The following DLG5 variants were observed in gnomAD, a reference collection of about 807,000 sequenced individuals.
DLG5 encodes the protein disks large homolog 5.
In DLG5, 48 loss-of-function variants were observed where a neutral mutation model predicts 189.8. The observed-to-expected ratio is 0.25, with a 90% CI of 0.20 to 0.32. The LOEUF (loss-of-function observed/expected upper bound fraction) is 0.32, where lower values mean the gene tolerates loss of function less well. Ranked by LOEUF, DLG5 falls within the 10% of genes least tolerant of loss-of-function variation. DLG5 has a pLI of 1.00. For synonymous variants in DLG5, 1,016 were observed against 1,054.1 expected, an observed-to-expected ratio of 0.96 and a Z score of 0.70; for missense variants, 2,160 against 2,544.7, an observed-to-expected ratio of 0.85 and a Z score of 3.25.
intron 2 of DLG5, 113 bp downstream of exon 2, chr10:77,869,016 T>C: frequency 3.6e-6 from 3 of 828,086 alleles, no homozygotes; most frequent in East Asian, 2.6e-5. Flanking sequence ...AGGATGATCC[T>C]GTGAGTAATC....
rs58805712 is a variant in DLG5, at chr10:77,828,862, GCTCCAGC to G, written c.2289+13_2289+19del. Reference sequence around the variant, plus strand: ...TGCCTATGCACGGCAGATGACCCTGGCTCCAGCCTTGAGACTTACCGCAACGATCCTG... The same window carrying G: ...TGCCTATGCACGGCAGATGACCCTGGCTTGAGACTTACCGCAACGATCCTG... On this transcript the variant is annotated intron_variant, in intron 13 of 31. Coordinates refer to ENST00000372391, the MANE Select transcript of DLG5 (RefSeq NM_004747.4). 459,886 of 1,612,656 alleles carry G rather than the reference GCTCCAGC, an allele frequency of 0.29. 67,576 individuals are homozygous for G. Among genetic ancestry groups the G allele is most frequent in the Admixed American group, 0.44 (26,413 of 59,918 alleles).
At chr10:77,911,122 G>C (rs1443591104) in intron 1 of DLG5, among the ~76,000 whole-genome samples, 7 of 151,892 alleles carry the variant, frequency 4.6e-5, no homozygotes, top group African/African-American at 1.7e-4. Flanking sequence ...AAGAATTAAA[G>C]TGTTTTATTG....
chr10:77,840,646 G>A (rs1843371914), intron 7 of DLG5, among the ~76,000 whole-genome samples: 1 of 152,204 alleles, frequency 6.6e-6, no homozygotes, highest in African/African-American at 2.4e-5. Flanking sequence ...TTGAACCCAG[G>A]AGGTAGAGGT....
intron 5 of DLG5, chr10:77,845,061 C>T (rs1354893392): frequency 1.3e-5 from 2 of 152,224 alleles, no homozygotes; most frequent in Admixed American, 1.3e-4. Context: ...CTGAGTGAGA[C>T]AGGAAGCTGT....
At chr10:77,820,981 CA>C (rs1281769017) in intron 15 of DLG5, 100 bp downstream of exon 15, 2 of 1,450,968 alleles carry the variant, frequency 1.4e-6, no homozygotes, top group Non-Finnish European at 1.8e-6. Context: ...CCAGGCTAAA[CA>C]GGGGCCTGGG....
At chr10:77,857,893 C>A (rs1310436637) in intron 2 of DLG5, among the ~76,000 whole-genome samples, 3 of 152,202 alleles carry the variant, frequency 2.0e-5, no homozygotes, top group Non-Finnish European at 4.4e-5. Flanking sequence ...CTGTTCCGCA[C>A]TGGACCCACA....
intron 5 of DLG5, among the ~76,000 whole-genome samples, chr10:77,852,844 T>C (rs1467684131): frequency 1.3e-5 from 2 of 152,216 alleles, no homozygotes. Context: ...GATATAGAAA[T>C]ACAGATATAC....
chr10:77,877,858 G>GCAGGGCCGGCCT (rs66641571), intron 1 of DLG5, among the ~76,000 whole-genome samples: 1 of 85,204 alleles, frequency 1.2e-5, no homozygotes, highest in Admixed American at 1.7e-4. Context: ...AAGGAGTGGA[G>GCAGGGCCGGCCT]CAGCGCCTCT....
chr10:77,819,535 C>G (rs1842231153), intron 16 of DLG5, 70 bp from the exon 17 acceptor site: 2 of 1,529,206 alleles, frequency 1.3e-6, no homozygotes, highest in African/African-American at 1.4e-5. Context: ...ACAAGCCTTT[C>G]CCCTGTATCC....
Position 77,795,978 on chromosome 10 carries a change from G to A in DLG5, c.5436+83C>T. ...ACTGAAGGTCTGAGCCGCTGGGGCA[G>A]AGGATCACGGACCAGGGGCCTAGAC... On this transcript the variant is annotated intron_variant, in intron 29 of 31. Coordinates refer to ENST00000372391, the MANE Select transcript of DLG5 (RefSeq NM_004747.4). The A allele has an allele frequency of 1.9e-5, 30 of 1,594,380 alleles. No homozygotes were observed. The South Asian group carries it at 3.3e-4, about 18-fold the overall frequency.
intron 25 of DLG5, 33 bp downstream of exon 25, chr10:77,807,763 C>G (rs369053122): frequency 2.9e-5 from 47 of 1,604,480 alleles, no homozygotes; most frequent in Non-Finnish European, 3.8e-5. Flanking sequence ...CCTCTGGTTC[C>G]AAATCTCCCA....
chr10:77,830,344 C>T lies in DLG5; in HGVS notation c.1882G>A (p.Glu628Lys). ...TEVVEFERET[E>K]DIDLKALGFD... ...CCCAGTGCCTTCAAGTCAATATCCT[C>T]CTGCAAAAACAGCAGCAACAGCAAC... The change falls in exon 11 of 32, where the codon GAG (glutamate) becomes AAG (lysine). Residue 628 changes from glutamate (E) to lysine (K), a missense_variant and splice_region_variant. Physicochemically the swap from Glu to Lys is moderately conservative, Grantham distance 56. Transcript: ENST00000372391. 6.2e-7 allele frequency: 1 copy of T among 1,614,130 alleles called. No homozygotes were observed. Among genetic ancestry groups the T allele is most frequent in the African/African-American group, 1.3e-5 (1 of 75,038 alleles).
Position 77,926,610 on chromosome 10 carries a change from C to T in DLG5, c.-90G>A, listed in dbSNP as rs1180453621. ...GCAGGCGAGCACCTCGGCAGCAGCC[C>T]TAGGGCGCCGGGAGCCGTGAGGCGG... On this transcript the variant is annotated 5_prime_UTR_variant, in exon 1 of 32. An upstream open reading frame in the 5' UTR loses its in-frame stop. Coordinates refer to ENST00000372391, the MANE Select transcript of DLG5 (RefSeq NM_004747.4). This position sits in a 1 kb window ranked among gnomAD's most constrained non-coding sequence, Gnocchi z 5.2. 9.5e-7 allele frequency: 1 copy of T among 1,056,374 alleles called. No homozygotes were observed. The highest frequency in any genetic ancestry group is 1.2e-6 in the Non-Finnish European group (1 of 857,580). The allele number at this position is 1,056,374 out of a possible 1,614,324, so 65.4% of individuals were successfully genotyped here. A position where few individuals can be genotyped will look rare whatever the true frequency, so the allele number is the denominator to read the frequency against.
In DLG5 at chr10:77,816,467, C is replaced by T; in HGVS notation, c.4025+84G>A. 1.9e-6 allele frequency: 3 copies of T among 1,594,498 alleles called. No individual in the cohort carries two copies. In the Admixed American group the frequency reaches 5.1e-5, roughly 27 times the overall value. On this transcript the variant is annotated intron_variant, in intron 20 of 31. Transcript: ENST00000372391. ...CTACTCCTGCTGCTTCTACTAAGCC[C>T]CTTCCCTGCAGAGCCCAGGCCCGCT...
chr10:77,824,380 T>C lies in DLG5; in HGVS notation c.2382+4A>G. On this transcript the variant is annotated splice_donor_region_variant and intron_variant, in intron 14 of 31. Transcript: ENST00000372391. Reference sequence around the variant, plus strand: ...GTGAGAGCAGAGCCAGGTCCAGCCCTTACCTTCAGGAGGGACAGGGTCAGG... The same window carrying C: ...GTGAGAGCAGAGCCAGGTCCAGCCCCTACCTTCAGGAGGGACAGGGTCAGG... 6.2e-7 allele frequency: 1 copy of C among 1,609,670 alleles called. No individual in the cohort carries two copies. The highest frequency in any genetic ancestry group is 8.5e-7 in the Non-Finnish European group (1 of 1,176,266).
Position 77,890,062 on chromosome 10 carries a change from G to A in DLG5, c.305-20865C>T, listed in dbSNP as rs190498855. Among the ~76,000 whole-genome samples, 327 of 152,262 alleles carry A rather than the reference G, an allele frequency of 2.1e-3. 1 individual carries two copies. The highest frequency in any genetic ancestry group is 0.018 in the South Asian group (87 of 4,814). The stretch of plus-strand genomic sequence containing the variant: ...AAAGCCACAACAAATGTGGAAGGCA[G>A]GGAAGAACCAAGAGTTGCAAGAAGA... On this transcript the variant is annotated intron_variant, in intron 1 of 31. Transcript: ENST00000372391.
At position 77,854,251 on chromosome 10, in the gene DLG5, A is replaced by C; in HGVS notation, c.656T>G (p.Val219Gly). ...HTNALKRCEEVAKETDFYHTL... is the reference protein window; with the variant it reads ...HTNALKRCEEGAKETDFYHTL... ...CTGGTAGAAGTCAGTCTCCTTGGCCACCTCCTCACACCTCTTCAAGGCGTT... is the reference window on the plus strand; with the variant it reads ...CTGGTAGAAGTCAGTCTCCTTGGCCCCCTCCTCACACCTCTTCAAGGCGTT... Residue 219 changes from valine (V) to glycine (G), a missense_variant, in exon 4 of 32, where the codon GTG becomes GGG. Around this residue, in one of 5 missense-constraint regions of DLG5, gnomAD observed 664 missense variants for 838.5 expected, o/e 0.79. Coordinates refer to ENST00000372391, the MANE Select transcript of DLG5 (RefSeq NM_004747.4). 6.2e-7 allele frequency: 1 copy of C among 1,614,096 alleles called. No individual in the cohort carries two copies. Among genetic ancestry groups the C allele is most frequent in the Non-Finnish European group, 8.5e-7 (1 of 1,180,018 alleles).
the DLG5 span, among the ~76,000 whole-genome samples, chr10:77,937,874 A>ATTTTTTTTTT: frequency 9.6e-6 from 1 of 104,130 alleles, no homozygotes; most frequent in Non-Finnish European, 1.9e-5. Context: ...CACTCAGCTA[A>ATTTTTTTTTT]TTTTTTTTTT....
At chr10:77,830,986 T>G in intron 9 of DLG5, 113 bp from the exon 10 acceptor site, 1 of 1,268,000 alleles carries the variant, frequency 7.9e-7, no homozygotes, top group Non-Finnish European at 1.1e-6. Flanking sequence ...ATGGGTTCCT[T>G]TCCCCCTTGT....
Sources: allele counts gnomAD v4.1 joint callset (sites outside exome capture counted in the v4.1 genomes callset), GRCh38; gene constraint gnomAD v4.1.1; regional missense constraint gnomAD v4.1.1; non-coding constraint Gnocchi (gnomAD v3.1); transcripts MANE v1.5; gene names NCBI Gene and HGNC (gene_info 2026-07-23, HGNC 2026-07-21).